MAGI2: variants seen among roughly 807,000 people sequenced by gnomAD.
The protein encoded by MAGI2 is membrane-associated guanylate kinase, WW and PDZ domain-containing protein 2.
A neutral mutation model predicts 133.3 loss-of-function variants in MAGI2; 35 were observed. That is an observed-to-expected ratio of 0.26 (90% CI 0.20 to 0.35). The LOEUF (loss-of-function observed/expected upper bound fraction) is 0.35, where lower values mean the gene tolerates loss of function less well. Among genes scored for constraint, MAGI2 ranks in the 10% least tolerant of loss-of-function variants. MAGI2 has a pLI of 1.00. For synonymous variants in MAGI2, 729 were observed against 710.6 expected, an observed-to-expected ratio of 1.03 and a Z score of -0.41; for missense variants, 1,636 against 1,863.4, an observed-to-expected ratio of 0.88 and a Z score of 2.25.
intron 1 of MAGI2, among the ~76,000 whole-genome samples, chr7:79,222,873 G>A (rs990132487): frequency 6.6e-6 from 1 of 151,698 alleles, no homozygotes; most frequent in Non-Finnish European, 1.5e-5. Flanking sequence ...TTTTCTTTTT[G>A]TTTTTTTGTT....
intron 9 of MAGI2, among the ~76,000 whole-genome samples, chr7:78,292,870 T>A (rs530747845): frequency 1.3e-5 from 2 of 152,330 alleles, no homozygotes; most frequent in African/African-American, 4.8e-5. Context: ...CTGGGAAAAC[T>A]GGCTAGCCAT....
intron 2 of MAGI2, among the ~76,000 whole-genome samples, chr7:78,722,428 C>T (rs766733280): frequency 7.9e-5 from 12 of 151,938 alleles, no homozygotes; most frequent in Admixed American, 6.6e-5. Context: ...CAGGAATAAT[C>T]GCACAAGTAA....
At chr7:78,436,746 C>T (rs988846247) in intron 6 of MAGI2, among the ~76,000 whole-genome samples, 1 of 152,128 alleles carries the variant, frequency 6.6e-6, no homozygotes, top group Non-Finnish European at 1.5e-5. Context: ...CTGTGTGAGC[C>T]TAAGACATTC....
intron 1 of MAGI2, among the ~76,000 whole-genome samples, chr7:79,384,841 CT>C (rs1844064198): frequency 6.6e-6 from 1 of 151,658 alleles, no homozygotes; most frequent in South Asian, 2.1e-4. Context: ...ACTATGGAAA[CT>C]TCAAAGTTGG....
At chr7:78,965,441 A>T (rs1803226185) in intron 2 of MAGI2, among the ~76,000 whole-genome samples, 2 of 152,002 alleles carry the variant, frequency 1.3e-5, no homozygotes, top group African/African-American at 4.8e-5. Flanking sequence ...CTTAGGTGGA[A>T]CAGGAGGAAG....
At chr7:79,034,174 G>A (rs1406396068) in intron 1 of MAGI2, among the ~76,000 whole-genome samples, 1 of 152,140 alleles carries the variant, frequency 6.6e-6, no homozygotes, top group African/African-American at 2.4e-5. Context: ...GCATGGAGCT[G>A]TCACAGGACT....
At chr7:78,660,605 A>C (rs1812840309) in intron 2 of MAGI2, among the ~76,000 whole-genome samples, 1 of 152,238 alleles carries the variant, frequency 6.6e-6, no homozygotes, top group African/African-American at 2.4e-5. Context: ...TGAAGAAATA[A>C]CATGCTATAA....
chr7:78,756,516 C>A (rs1823961986), intron 2 of MAGI2, among the ~76,000 whole-genome samples: 1 of 152,034 alleles, frequency 6.6e-6, no homozygotes, highest in African/African-American at 2.4e-5. Context: ...AGAGAATGAA[C>A]CGATTAGTGG....
chr7:78,270,010 TATTA>T (rs1178864475), intron 9 of MAGI2, among the ~76,000 whole-genome samples: 1 of 152,236 alleles, frequency 6.6e-6, no homozygotes, highest in Non-Finnish European at 1.5e-5. Flanking sequence ...CAACACCATT[TATTA>T]AATAGGGAAT....
At chr7:78,591,329 A>G (rs769404118) in intron 3 of MAGI2, among the ~76,000 whole-genome samples, 1 of 152,246 alleles carries the variant, frequency 6.6e-6, no homozygotes, top group Non-Finnish European at 1.5e-5. Flanking sequence ...AGCAATAAAC[A>G]AGAGCGGGTT....
chr7:78,664,502 T>C (rs1258249793), intron 2 of MAGI2, among the ~76,000 whole-genome samples: 1 of 152,060 alleles, frequency 6.6e-6, no homozygotes, highest in Admixed American at 6.6e-5. Flanking sequence ...TGAAAGAACT[T>C]TCATAGATAA....
intron 1 of MAGI2, among the ~76,000 whole-genome samples, chr7:79,239,735 C>T (rs1418250991): frequency 1.3e-5 from 2 of 152,152 alleles, no homozygotes; most frequent in Non-Finnish European, 2.9e-5. Flanking sequence ...ACAAAAGAAG[C>T]TCATTTCATA....
intron 1 of MAGI2, among the ~76,000 whole-genome samples, chr7:79,324,657 A>ATAT (rs1563116739): frequency 1.2e-3 from 3 of 2,522 alleles, no homozygotes; most frequent in South Asian, 0.083. Context: ...TATATATATT[A>ATAT]TATATATATA....
intron 2 of MAGI2, among the ~76,000 whole-genome samples, chr7:78,931,622 A>G (rs1278785425): frequency 1.3e-5 from 2 of 152,126 alleles, no homozygotes; most frequent in Admixed American, 6.6e-5. Context: ...TGTCAACCTC[A>G]GAATAGCCTA....
chr7:78,815,227 G>C (rs1013593578), intron 2 of MAGI2, among the ~76,000 whole-genome samples: 7 of 152,156 alleles, frequency 4.6e-5, no homozygotes, highest in African/African-American at 1.7e-4. Context: ...CTCAGGGGTA[G>C]TTTTAATGCA....
intron 2 of MAGI2, among the ~76,000 whole-genome samples, chr7:78,675,859 G>T (rs897139087): frequency 6.6e-6 from 1 of 152,134 alleles, no homozygotes; most frequent in African/African-American, 2.4e-5. Context: ...CTGAGGACAG[G>T]ATTGTAGGAT....
chr7:78,768,328 T>C (rs1219232928), intron 2 of MAGI2, among the ~76,000 whole-genome samples: 3 of 152,244 alleles, frequency 2.0e-5, no homozygotes, highest in Non-Finnish European at 4.4e-5. Flanking sequence ...TGTTCTACTA[T>C]AATTGCATCA....
intron 21 of MAGI2, among the ~76,000 whole-genome samples, chr7:78,020,455 A>G (rs918198955): frequency 6.6e-6 from 1 of 152,170 alleles, no homozygotes; most frequent in African/African-American, 2.4e-5. Flanking sequence ...TATTTTTATC[A>G]GGCACCCATT....
intron 1 of MAGI2, among the ~76,000 whole-genome samples, chr7:79,278,507 G>A (rs1835405460): frequency 6.6e-6 from 1 of 152,110 alleles, no homozygotes; most frequent in Non-Finnish European, 1.5e-5. Flanking sequence ...ACAAATCAGA[G>A]TTGGTTCAAA....
Sources: allele counts gnomAD v4.1 joint callset (sites outside exome capture counted in the v4.1 genomes callset), GRCh38; gene constraint gnomAD v4.1.1; transcripts MANE v1.5; gene names NCBI Gene and HGNC (gene_info 2026-07-23, HGNC 2026-07-21).